The following NCKAP5 variants were observed in gnomAD, a reference collection of about 807,000 sequenced individuals.
The protein encoded by NCKAP5 is nck-associated protein 5.
In NCKAP5, 92 loss-of-function variants were observed where a neutral mutation model predicts 167.0. The observed-to-expected ratio is 0.55, with a 90% CI of 0.47 to 0.66. NCKAP5 has a LOEUF of 0.66. Among genes scored for constraint, NCKAP5 ranks in the 30% least tolerant of loss-of-function variants. NCKAP5 has a pLI of 0.00. For missense variants in NCKAP5, 2,378 were observed against 2,315.0 expected (o/e 1.03, Z -0.56); for synonymous variants, 891 against 877.4 (o/e 1.02, Z -0.27).
In NCKAP5 at chr2:132,783,299, T is replaced by G; in HGVS notation, c.3512A>C (p.Glu1171Ala). The change falls in exon 14 of 20, where the codon GAA becomes GCA. Residue 1171 changes from glutamate to alanine, a missense_variant. Around this residue, in one of 3 missense-constraint regions of NCKAP5, gnomAD observed 1,325 missense variants for 1,274.5 expected, o/e 1.04. Transcript: ENST00000409261. ...GGAGGCTTCATTTAAACTGTCTTTT[T>G]CATGTTTCCCTGGCACGGTGGAACT... Reference protein sequence around the residue: ...RKSSTVPGKHEKDSLNEASKS... With the variant: ...RKSSTVPGKHAKDSLNEASKS... 2 of 1,613,934 alleles carry G rather than the reference T, an allele frequency of 1.2e-6. No homozygotes were observed. The highest frequency in any genetic ancestry group is 1.7e-6 in the Non-Finnish European group (2 of 1,179,880).
chr2:132,693,838 C>T (rs1687047341), intron 19 of NCKAP5, among the ~76,000 whole-genome samples: 1 of 151,924 alleles, frequency 6.6e-6, no homozygotes, highest in South Asian at 2.1e-4. Context: ...ATTGGCCAGG[C>T]TGGTCTCAAA....
intron 3 of NCKAP5, among the ~76,000 whole-genome samples, chr2:133,390,729 G>C (rs1687341766): frequency 6.6e-6 from 1 of 152,114 alleles, no homozygotes; most frequent in Non-Finnish European, 1.5e-5. Flanking sequence ...GTAGAAGTGT[G>C]TGTGTGCCTG....
intron 5 of NCKAP5, among the ~76,000 whole-genome samples, chr2:133,205,642 C>T (rs1169790379): frequency 6.6e-6 from 1 of 151,988 alleles, no homozygotes; most frequent in East Asian, 1.9e-4. Flanking sequence ...ATTAGCTTGC[C>T]AAATGCTGTG....
intron 6 of NCKAP5, among the ~76,000 whole-genome samples, chr2:133,066,520 T>C (rs563373912): frequency 6.6e-4 from 100 of 152,326 alleles, no homozygotes; most frequent in African/African-American, 2.2e-3. Context: ...CATGCATTCT[T>C]TCTCTCCCTT....
chr2:132,738,900 A>C (rs1691770785), intron 16 of NCKAP5, among the ~76,000 whole-genome samples: 1 of 152,124 alleles, frequency 6.6e-6, no homozygotes, highest in Non-Finnish European at 1.5e-5. Context: ...CAAGCCATTC[A>C]TAAGGGATCC....
intron 8 of NCKAP5, among the ~76,000 whole-genome samples, chr2:132,920,755 ATGTATATATATGTATG>A (rs1695312333): frequency 1.2e-5 from 1 of 84,138 alleles, no homozygotes; most frequent in Non-Finnish European, 2.1e-5. Flanking sequence ...GTATATATAT[ATGTATATATATGTATG>A]TATATATATA....
chr2:133,298,193 T>C (rs1680100384), intron 4 of NCKAP5, among the ~76,000 whole-genome samples: 1 of 152,202 alleles, frequency 6.6e-6, no homozygotes, highest in Non-Finnish European at 1.5e-5. Context: ...GGCAAAAATA[T>C]AATCAAAAGT....
chr2:132,677,228 A>G (rs1250413665), intron 19 of NCKAP5, among the ~76,000 whole-genome samples: 2 of 152,066 alleles, frequency 1.3e-5, no homozygotes, highest in Non-Finnish European at 2.9e-5. Flanking sequence ...TTTTTCAACT[A>G]CACTTGGGAA....
At chr2:132,891,533 G>A (rs768246262) in intron 8 of NCKAP5, among the ~76,000 whole-genome samples, 14 of 152,274 alleles carry the variant, frequency 9.2e-5, no homozygotes, top group Admixed American at 2.0e-4. Context: ...TTATGAGTCT[G>A]CCTCTCTCTC....
intron 19 of NCKAP5, chr2:132,714,749 G>C: frequency 1.0e-5 from 4 of 394,556 alleles, no homozygotes; most frequent in South Asian, 7.5e-5. Flanking sequence ...GGAGGCAGAG[G>C]TTGCAGTGAG....
chr2:133,649,990 CTG>C, the NCKAP5 span, among the ~76,000 whole-genome samples: 9 of 152,052 alleles, frequency 5.9e-5, no homozygotes, highest in South Asian at 1.9e-3. Context: ...ATAAATAAAA[CTG>C]TTAAAACTAA....
intron 8 of NCKAP5, among the ~76,000 whole-genome samples, chr2:132,884,459 C>T (rs1399847331): frequency 2.6e-5 from 4 of 152,208 alleles, no homozygotes; most frequent in Non-Finnish European, 1.5e-5. Context: ...CAGTTCCATT[C>T]TGTTGCAGTC....
In NCKAP5 at chr2:132,782,498, T is replaced by G; in HGVS notation, c.4313A>C (p.Glu1438Ala). The G allele has an allele frequency of 6.2e-7, 1 of 1,608,190 alleles. No individual in the cohort carries two copies. Among genetic ancestry groups the G allele is most frequent in the Non-Finnish European group, 8.5e-7 (1 of 1,177,336 alleles). Residue 1438 changes from glutamate to alanine, a missense_variant, in exon 14 of 20, where the codon GAA (glutamate) becomes GCA (alanine). Physicochemically the swap from Glu to Ala is moderately radical, Grantham distance 107. Around this residue, in one of 3 missense-constraint regions of NCKAP5, gnomAD observed 1,325 missense variants for 1,274.5 expected, o/e 1.04. Transcript: ENST00000409261. ...TTCTAGCTTGGATGTACTGCTTGTT[T>G]CAAAAGTGCTTGGATGCTGAGTCCT... ...PGRTQHPSTF[E>A]TSSTSKLETS...
Position 133,056,935 on chromosome 2 carries a change from A to G in NCKAP5, c.342-62696T>C, listed in dbSNP as rs529262577. 1.6e-4 allele frequency among the ~76,000 whole-genome samples: 25 copies of G among 152,342 alleles called. No individual in the cohort carries two copies. The East Asian group carries it at 4.6e-3, about 28-fold the overall frequency. On this transcript the variant is annotated intron_variant, in intron 6 of 19. Coordinates refer to ENST00000409261, the MANE Select transcript of NCKAP5 (RefSeq NM_207363.3). ...AATGGTTTGTGGCAACTGCATTGATAAAGTGTAGTAGCACTATTTTTCCAA... is the reference window on the plus strand; with the variant it reads ...AATGGTTTGTGGCAACTGCATTGATGAAGTGTAGTAGCACTATTTTTCCAA...
the NCKAP5 span, among the ~76,000 whole-genome samples, chr2:133,589,029 G>C: frequency 6.6e-6 from 1 of 152,178 alleles, no homozygotes; most frequent in Non-Finnish European, 1.5e-5. Flanking sequence ...CTCTGGCTTG[G>C]ACTCCAAGTA....
At chr2:133,228,579 A>G (rs1173730844) in intron 4 of NCKAP5, among the ~76,000 whole-genome samples, 1 of 152,190 alleles carries the variant, frequency 6.6e-6, no homozygotes, top group East Asian at 1.9e-4. Context: ...CACCACCATC[A>G]GCACGTTTTA....
intron 11 of NCKAP5, among the ~76,000 whole-genome samples, chr2:132,828,969 T>C (rs1023519543): frequency 3.3e-5 from 5 of 152,170 alleles, no homozygotes; most frequent in Admixed American, 2.0e-4. Context: ...TATGGTGATG[T>C]CAGCTCAACT....
chr2:133,015,727 T>C (rs888143587), intron 6 of NCKAP5, among the ~76,000 whole-genome samples: 2 of 152,158 alleles, frequency 1.3e-5, no homozygotes, highest in African/African-American at 2.4e-5. Context: ...CAGTCTCTAC[T>C]CAAAAGGAAC....
At chr2:133,332,728 A>C (rs1682943849) in intron 3 of NCKAP5, among the ~76,000 whole-genome samples, 1 of 152,054 alleles carries the variant, frequency 6.6e-6, no homozygotes. Flanking sequence ...AAAAAAAAAT[A>C]ATAATAAGTG....
Sources: allele counts gnomAD v4.1 joint callset (sites outside exome capture counted in the v4.1 genomes callset), GRCh38; gene constraint gnomAD v4.1.1; regional missense constraint gnomAD v4.1.1; transcripts MANE v1.5; gene names NCBI Gene and HGNC (gene_info 2026-07-23, HGNC 2026-07-21).